The following NCAM2 variants were observed in gnomAD, a reference collection of about 807,000 sequenced individuals.
NCAM2 encodes the protein neural cell adhesion molecule 2.
In NCAM2, 30 loss-of-function variants were observed where a neutral mutation model predicts 98.1. The ratio of observed to expected loss-of-function variants is 0.31; its 90% CI spans 0.23 to 0.41. The LOEUF (loss-of-function observed/expected upper bound fraction) is 0.41. NCAM2 is among the 10% of genes least tolerant of loss of function. The pLI is 1.00. For synonymous variants in NCAM2, 368 were observed against 342.4 expected (o/e 1.07, Z -0.83); for missense variants, 867 against 1,005.8 (o/e 0.86, Z 1.87).
chr21:21,280,194 G>A (rs950913405), intron 1 of NCAM2, among the ~76,000 whole-genome samples: 13 of 151,840 alleles, frequency 8.6e-5, no homozygotes, highest in African/African-American at 3.1e-4. Flanking sequence ...GTGTGTAGTT[G>A]TTGTAATGAT....
chr21:21,057,533 T>G (rs1351041207), intron 1 of NCAM2, among the ~76,000 whole-genome samples: 1 of 152,118 alleles, frequency 6.6e-6, no homozygotes, highest in Admixed American at 6.6e-5. Context: ...CAAGGATAAG[T>G]GCTTCCTGCT....
At chr21:21,413,759 C>T (rs1046997824) in intron 10 of NCAM2, among the ~76,000 whole-genome samples, 10 of 152,062 alleles carry the variant, frequency 6.6e-5, no homozygotes, top group Admixed American at 5.2e-4. Flanking sequence ...AGCGTTTTGT[C>T]GCAAGGTTGA....
At chr21:21,060,954 A>C (rs2146327948) in intron 1 of NCAM2, among the ~76,000 whole-genome samples, 1 of 152,282 alleles carries the variant, frequency 6.6e-6, no homozygotes, top group Non-Finnish European at 1.5e-5. Flanking sequence ...GAAGAAGCCA[A>C]GGAAAGGTGG....
At chr21:21,173,888 G>T (rs1375527688) in intron 1 of NCAM2, among the ~76,000 whole-genome samples, 1 of 152,102 alleles carries the variant, frequency 6.6e-6, no homozygotes, top group Non-Finnish European at 1.5e-5. Context: ...GCAAGACCTA[G>T]GATTGGCATA....
At chr21:21,136,621 C>CTGGT (rs1449129526) in intron 1 of NCAM2, among the ~76,000 whole-genome samples, 1 of 100,660 alleles carries the variant, frequency 9.9e-6, no homozygotes, top group Non-Finnish European at 2.0e-5. Context: ...GCCACCACGC[C>CTGGT]TGTTTTTTGT....
intron 9 of NCAM2, among the ~76,000 whole-genome samples, chr21:21,378,078 C>G (rs1194029335): frequency 6.6e-6 from 1 of 151,938 alleles, no homozygotes; most frequent in African/African-American, 2.4e-5. Context: ...TTTATCCTTT[C>G]ATTCATTGGT....
At chr21:21,035,214 A>T (rs1008146042) in intron 1 of NCAM2, among the ~76,000 whole-genome samples, 6 of 152,188 alleles carry the variant, frequency 3.9e-5, no homozygotes, top group South Asian at 4.1e-4. Flanking sequence ...AGCAATCTGG[A>T]TATATCTGAA....
chr21:21,184,447 G>A (rs750083382), intron 1 of NCAM2, among the ~76,000 whole-genome samples: 3 of 152,016 alleles, frequency 2.0e-5, no homozygotes, highest in Admixed American at 6.6e-5. Flanking sequence ...TCTCAGAATG[G>A]GCAGCTTCTT....
intron 9 of NCAM2, among the ~76,000 whole-genome samples, chr21:21,406,599 A>G (rs1295604964): frequency 6.6e-6 from 1 of 152,136 alleles, no homozygotes; most frequent in Non-Finnish European, 1.5e-5. Context: ...TTCAGAAAGG[A>G]GATCTTTTTC....
chr21:21,527,597 T>C (rs1409330958), intron 16 of NCAM2, among the ~76,000 whole-genome samples: 2 of 152,102 alleles, frequency 1.3e-5, no homozygotes, highest in Non-Finnish European at 2.9e-5. Context: ...AATAAGCTTA[T>C]GAAAAGACAT....
At chr21:21,167,795 T>C (rs770643350) in intron 1 of NCAM2, among the ~76,000 whole-genome samples, 7 of 152,192 alleles carry the variant, frequency 4.6e-5, no homozygotes, top group African/African-American at 7.2e-5. Flanking sequence ...ACTAGGCCCT[T>C]ATTAAATAAA....
At chr21:21,125,253 C>T (rs896388947) in intron 1 of NCAM2, among the ~76,000 whole-genome samples, 6 of 147,444 alleles carry the variant, frequency 4.1e-5, no homozygotes, top group Admixed American at 7.0e-5. Context: ...ATCATTTCTT[C>T]GTAAAGAATA....
intron 9 of NCAM2, among the ~76,000 whole-genome samples, chr21:21,382,732 A>G (rs552943348): frequency 6.6e-6 from 1 of 151,812 alleles, no homozygotes; most frequent in Non-Finnish European, 1.5e-5. Context: ...GGGTTTCGCC[A>G]TGTTGGCCAA....
intron 1 of NCAM2, among the ~76,000 whole-genome samples, chr21:21,104,346 A>G (rs1038046721): frequency 5.9e-5 from 9 of 152,276 alleles, no homozygotes; most frequent in African/African-American, 2.2e-4. Flanking sequence ...GGATGGAAAA[A>G]TAGGAACAAA....
intron 1 of NCAM2, among the ~76,000 whole-genome samples, chr21:21,127,872 A>T (rs1313790759): frequency 6.6e-6 from 1 of 152,176 alleles, no homozygotes; most frequent in Admixed American, 6.6e-5. Context: ...CTAAATATAT[A>T]CATTTAAATT....
At chr21:21,091,690 C>A (rs372862336) in intron 1 of NCAM2, among the ~76,000 whole-genome samples, 3 of 152,034 alleles carry the variant, frequency 2.0e-5, no homozygotes, top group African/African-American at 7.2e-5. Flanking sequence ...AGTTATTAAT[C>A]TAAGAAAGAG....
chr21:21,288,558 A>G (rs1412168840), intron 4 of NCAM2, among the ~76,000 whole-genome samples: 2 of 151,748 alleles, frequency 1.3e-5, no homozygotes, highest in Non-Finnish European at 2.9e-5. Context: ...AATTTAAAGT[A>G]TTCAAGTAAA....
In NCAM2 at chr21:21,265,562, T is replaced by A. The variant is rs115613454; in HGVS notation, c.56-15016T>A. Among the ~76,000 whole-genome samples the A allele has an allele frequency of 5.5e-3, 825 of 148,856 alleles. 7 individuals carry two copies. Among genetic ancestry groups the A allele is most frequent in the Non-Finnish European group, 7.9e-3 (528 of 67,214 alleles). ...ATGTATATATGTATGTATATATGTA[T>A]AAGTGGAATACTACACAGACATTAA... On this transcript the variant is annotated intron_variant, in intron 1 of 17. Coordinates refer to ENST00000400546, the MANE Select transcript of NCAM2 (RefSeq NM_004540.5).
intron 1 of NCAM2, among the ~76,000 whole-genome samples, chr21:21,266,301 A>G (rs973931281): frequency 2.0e-5 from 3 of 152,114 alleles, no homozygotes; most frequent in African/African-American, 7.2e-5. Flanking sequence ...TTATTTAAGT[A>G]ACATTATAGA....
Sources: gnomAD v4.1 joint callset for allele counts (sites outside exome capture counted in the v4.1 genomes callset) on GRCh38, gnomAD v4.1.1 for gene constraint, MANE v1.5 for transcripts, NCBI Gene and HGNC (gene_info 2026-07-23, HGNC 2026-07-21) for gene names.